The following ZNF839 variants were observed in gnomAD, a reference collection of about 807,000 sequenced individuals.
The protein encoded by ZNF839 is zinc finger protein 839.
ZNF839 carries 38 observed loss-of-function variants against 56.4 expected under a neutral mutation model. That is an observed-to-expected ratio of 0.67 (90% CI 0.52 to 0.88). The LOEUF is 0.88. Among genes scored for constraint, ZNF839 ranks in the 40% least tolerant of loss-of-function variants. The pLI is 0.00. For synonymous variants in ZNF839, 486 were observed against 493.5 expected, an observed-to-expected ratio of 0.98 and a Z score of 0.20; for missense variants, 1,091 against 1,177.6, an observed-to-expected ratio of 0.93 and a Z score of 1.08.
At chr14:102,336,200 A>T (rs1422690439) in intron 5 of ZNF839, among the ~76,000 whole-genome samples, 1 of 152,126 alleles carries the variant, frequency 6.6e-6, no homozygotes, top group Non-Finnish European at 1.5e-5. Context: ...ACCAAAAAAA[A>T]AAAAAACTCC....
chr14:102,318,598 A>T (rs192683210), upstream of ZNF839, among the ~76,000 whole-genome samples: 215 of 151,576 alleles, frequency 1.4e-3, no homozygotes, highest in African/African-American at 5.1e-3. Context: ...GTGCCACTGC[A>T]CTCCAGCCTG....
intron 7 of ZNF839, 21 bp downstream of exon 7, chr14:102,339,244 G>C (rs1886214816): frequency 6.2e-7 from 1 of 1,606,440 alleles, no homozygotes; most frequent in African/African-American, 1.3e-5. Flanking sequence ...AATGCTGTTT[G>C]TGGGGTGTAT....
In ZNF839 at chr14:102,319,795, C is replaced by A. The variant is rs1437530516; in HGVS notation, c.30C>A (p.Gly10=). 2.4e-6 allele frequency: 3 copies of A among 1,232,094 alleles called. No individual in the cohort carries two copies. Among genetic ancestry groups the A allele is most frequent in the Non-Finnish European group, 3.0e-6 (3 of 988,162 alleles). The allele number at this position is 1,232,094 out of a possible 1,614,324, so 76.3% of individuals were successfully genotyped here. ...CGGATGCGGAGCCGGAGGCTGGGGGCGGCAGCGAGGATGGCGGCGGCGGCG... is the reference window on the plus strand; with the variant it reads ...CGGATGCGGAGCCGGAGGCTGGGGGAGGCAGCGAGGATGGCGGCGGCGGCG... MADAEPEAG[G]GSEDGGGGGG... is the part of the protein sequence containing the mutation. The change falls in exon 1 of 8, where the codon GGC becomes GGA. Residue 10 remains glycine (G), a synonymous_variant. Coordinates refer to ENST00000442396, the MANE Select transcript of ZNF839 (RefSeq NM_018335.6). This position sits in a 1 kb window ranked among gnomAD's most constrained non-coding sequence, Gnocchi z 4.5.
chr14:102,334,590 T>C lies in ZNF839; in HGVS notation c.1453T>C (p.Leu485=), dbSNP rs1198885343. ...GTGTGACCGGGAGGATCTGGTGGAA[T>C]TGGCTCTGCCTCAGCTGGCTCAGGT... ...QQCDREDLVE[L]ALPQLAQVVT... Residue 485 remains leucine, a synonymous_variant, in exon 4 of 8, where the codon TTG becomes CTG. Transcript: ENST00000442396. 1.2e-6 allele frequency: 2 copies of C among 1,612,668 alleles called. No individual in the cohort carries two copies. Among genetic ancestry groups the C allele is most frequent in the East Asian group, 2.2e-5 (1 of 44,878 alleles).
rs1253747615 is a variant in ZNF839 at position 102,326,286 on chromosome 14, A to G, written c.590A>G (p.Lys197Arg). The G allele has an allele frequency of 1.9e-6, 3 of 1,613,544 alleles. No homozygotes were observed. Among genetic ancestry groups the G allele is most frequent in the East Asian group, 4.5e-5 (2 of 44,878 alleles). ...VVPAKRVPAP[K>R]APDEQGSMLT... ...CCTGCAAAGAGAGTCCCAGCCCCCA[A>G]GGCTCCAGATGAACAGGGCTCCATG... Residue 197 changes from lysine to arginine, a missense_variant, in exon 2 of 8, where the codon AAG becomes AGG. Around this residue, in one of 3 missense-constraint regions of ZNF839, gnomAD observed 614 missense variants for 629.2 expected, o/e 0.98. Coordinates refer to ENST00000442396, the MANE Select transcript of ZNF839 (RefSeq NM_018335.6). The surrounding 1 kb of genome is among the most constrained non-coding windows in gnomAD (Gnocchi z 4.3).
intron 2 of ZNF839, among the ~76,000 whole-genome samples, chr14:102,328,090 C>T (rs990145416): frequency 6.6e-6 from 1 of 151,802 alleles, no homozygotes; most frequent in Non-Finnish European, 1.5e-5. Flanking sequence ...TGCAGTGGCT[C>T]ACACCTGTAA....
upstream of ZNF839, among the ~76,000 whole-genome samples, chr14:102,318,106 G>T (rs1166373172): frequency 6.6e-6 from 1 of 152,242 alleles, no homozygotes; most frequent in Non-Finnish European, 1.5e-5. Context: ...CGATGGCGCT[G>T]CTGCTATTAT....
At chr14:102,334,495 TTG>T in intron 3 of ZNF839, 57 bp from the exon 4 acceptor site, 2 of 1,271,016 alleles carry the variant, frequency 1.6e-6, no homozygotes, top group Non-Finnish European at 2.3e-6. Flanking sequence ...CACCAACTTG[TTG>T]GCTATTGGGA....
intron 5 of ZNF839, among the ~76,000 whole-genome samples, chr14:102,338,547 A>C (rs1284479915): frequency 6.6e-6 from 1 of 150,774 alleles, no homozygotes; most frequent in Non-Finnish European, 1.5e-5. Context: ...CAGAAAAAAA[A>C]AAAAAAAAAA....
intron 4 of ZNF839, 158 bp downstream of exon 4, chr14:102,334,804 A>C (rs1597727470): frequency 6.4e-6 from 2 of 310,410 alleles, no homozygotes; most frequent in Admixed American, 9.2e-5. Context: ...GTGCAGTGGC[A>C]CCATCGTAGC....
Position 102,338,774 on chromosome 14 carries a change from C to G in ZNF839, c.1660-42C>G, listed in dbSNP as rs59271391. The G allele has an allele frequency of 4.7e-3, 7,595 of 1,611,540 alleles. 305 individuals are homozygous for G. The African/African-American group carries it at 0.09, about 19-fold the overall frequency. Reference sequence around the variant, plus strand: ...GTGAATGTGCTTCTGGGGGTGTGTGCTGTTTGGGTGAAGTTTATTCTCTTG... The same window carrying G: ...GTGAATGTGCTTCTGGGGGTGTGTGGTGTTTGGGTGAAGTTTATTCTCTTG... On this transcript the variant is annotated intron_variant, in intron 5 of 7. Transcript: ENST00000442396.
At chr14:102,327,793 TGC>T (rs545387026) in intron 2 of ZNF839, among the ~76,000 whole-genome samples, 26 of 152,322 alleles carry the variant, frequency 1.7e-4, no homozygotes, top group Admixed American at 1.5e-3. Context: ...GTCTTCTGTG[TGC>T]TAGGATGATT....
intron 5 of ZNF839, chr14:102,336,847 C>T (rs899575371): frequency 8.1e-6 from 2 of 246,472 alleles, no homozygotes; most frequent in African/African-American, 2.3e-5. Flanking sequence ...AATCCTCCCA[C>T]ATAAGCCTCC....
chr14:102,328,845 G>A (rs1313456162), intron 2 of ZNF839, among the ~76,000 whole-genome samples: 1 of 152,108 alleles, frequency 6.6e-6, no homozygotes, highest in Admixed American at 6.6e-5. Flanking sequence ...ATCTCACTGT[G>A]TGTACATATC....
chr14:102,325,990 A>G lies in ZNF839; in HGVS notation c.294A>G (p.Leu98=). ...CTTGTCTTTCTGTACGTAAGCAACT[A>G]GAAGCCATTTGTGTCAAGGTAACGT... The part of the protein sequence containing the change: ...RLPRLLPPQQ[L]EAICVKVTSG... Residue 98 remains leucine, a synonymous_variant, in exon 2 of 8, where the codon CTA becomes CTG. Coordinates refer to ENST00000442396, the MANE Select transcript of ZNF839 (RefSeq NM_018335.6). 4.3e-6 allele frequency: 7 copies of G among 1,612,026 alleles called. No homozygotes were observed. The highest frequency in any genetic ancestry group is 1.3e-5 in the African/African-American group (1 of 75,036).
upstream of ZNF839, among the ~76,000 whole-genome samples, chr14:102,318,001 C>G (rs1269790455): frequency 6.6e-6 from 1 of 152,214 alleles, no homozygotes; most frequent in Non-Finnish European, 1.5e-5. Flanking sequence ...ACAGTGGAAA[C>G]AGCTACTAGT....
chr14:102,341,327 T>C lies in ZNF839; in HGVS notation c.1932T>C (p.Phe644=). Residue 644 remains phenylalanine (F), a synonymous_variant, in exon 8 of 8, where the codon TTT becomes TTC. Coordinates refer to ENST00000442396, the MANE Select transcript of ZNF839 (RefSeq NM_018335.6). ...CCTGTTTCCCAAAATGTTTAGGTTT[T>C]TCCCCTCCAGTAAATGTGACTGTCT... The part of the protein sequence containing the change: ...PRPLHALAAG[F]SPPVNVTVSP... 6.6e-7 allele frequency: 1 copy of C among 1,518,208 alleles called. No homozygotes were observed. The highest frequency in any genetic ancestry group is 2.3e-5 in the East Asian group (1 of 43,982). 94.0% of individuals were successfully genotyped at this position (1,518,208 alleles called of 1,614,324 possible). A position where few individuals can be genotyped will look rare whatever the true frequency, so the allele number is the denominator to read the frequency against.
At chr14:102,322,417 G>A (rs971035735) in intron 1 of ZNF839, among the ~76,000 whole-genome samples, 1 of 152,204 alleles carries the variant, frequency 6.6e-6, no homozygotes, top group African/African-American at 2.4e-5. Context: ...GAAATACTGA[G>A]TTAACATTAG....
Position 102,341,425 on chromosome 14 carries a change from A to G in ZNF839, c.2030A>G (p.Gln677Arg). 6.3e-7 allele frequency: 1 copy of G among 1,589,802 alleles called. No homozygotes were observed. The highest frequency in any genetic ancestry group is 8.6e-7 in the Non-Finnish European group (1 of 1,167,688). Residue 677 changes from glutamine (Q) to arginine (R), a missense_variant, in exon 8 of 8, where the codon CAG becomes CGG. By Grantham distance (43) the Gln-to-Arg change is conservative. Transcript: ENST00000442396. Reference sequence around the variant, plus strand: ...GGGAGCGTGTTCCAGGCGGGCCCGCAGCTTCAGGCACTGGCTAACTTAGAA... The same window carrying G: ...GGGAGCGTGTTCCAGGCGGGCCCGCGGCTTCAGGCACTGGCTAACTTAGAA... Reference protein sequence around the residue: ...GNGSVFQAGPQLQALANLEAR... With the variant: ...GNGSVFQAGPRLQALANLEAR...
Sources: allele counts gnomAD v4.1 joint callset (sites outside exome capture counted in the v4.1 genomes callset), GRCh38; gene constraint gnomAD v4.1.1; regional missense constraint gnomAD v4.1.1; non-coding constraint Gnocchi (gnomAD v3.1); transcripts MANE v1.5; gene names NCBI Gene and HGNC (gene_info 2026-07-23, HGNC 2026-07-21).